Variants in KCNQ1 observed in about 807,000 individuals in gnomAD.
The protein encoded by KCNQ1 is potassium voltage-gated channel subfamily KQT member 1.
In KCNQ1, 49 loss-of-function variants were observed where a neutral mutation model predicts 72.4. The observed-to-expected ratio is 0.68, with a 90% CI of 0.54 to 0.86. KCNQ1 has a LOEUF of 0.86. KCNQ1 is among the 40% of genes least tolerant of loss of function. KCNQ1 has a pLI of 0.00. For synonymous variants in KCNQ1, 450 were observed against 412.6 expected (o/e 1.09, Z -1.10); for missense variants, 790 against 945.1 (o/e 0.84, Z 2.15).
At chr11:2,539,745 G>A (rs909501053) in intron 2 of KCNQ1, among the ~76,000 whole-genome samples, 1 of 152,250 alleles carries the variant, frequency 6.6e-6, no homozygotes, top group African/African-American at 2.4e-5. Flanking sequence ...GGGGCCCCCA[G>A]GCTTCTCCAT....
chr11:2,609,084 CTCT>C (rs980486613), intron 10 of KCNQ1: 6 of 397,650 alleles, frequency 1.5e-5, no homozygotes, highest in African/African-American at 1.0e-4. Flanking sequence ...GTTTAGTTTG[CTCT>C]TCTTTTTCTA....
intron 10 of KCNQ1, chr11:2,633,650 C>A (rs1849400534): frequency 2.5e-6 from 1 of 398,340 alleles, no homozygotes; most frequent in African/African-American, 2.1e-5. Flanking sequence ...GTTCTTGGCA[C>A]CTTTGTCAAA....
Position 2,691,184 on chromosome 11 carries a change from A to G in KCNQ1, c.1514+29103A>G. The G allele has an allele frequency of 2.5e-6, 1 of 398,636 alleles. No individual in the cohort carries two copies. The highest frequency in any genetic ancestry group is 4.4e-6 in the Non-Finnish European group (1 of 226,096). 24.7% of individuals were successfully genotyped at this position (398,636 alleles called of 1,614,324 possible). On this transcript the variant is annotated intron_variant, in intron 11 of 15. Coordinates refer to ENST00000155840, the MANE Select transcript of KCNQ1 (RefSeq NM_000218.3). The surrounding 1 kb of genome is among the most constrained non-coding windows in gnomAD (Gnocchi z 6.4). Reference sequence around the variant, plus strand: ...TCACAGCCTTGGGAGGGGTGCTCAGAGCTCAGCTGTGTTTAAAAATTAGCA... The same window carrying G: ...TCACAGCCTTGGGAGGGGTGCTCAGGGCTCAGCTGTGTTTAAAAATTAGCA...
chr11:2,493,602 A>G lies in KCNQ1; in HGVS notation c.387-34326A>G, dbSNP rs1017859810. On this transcript the variant is annotated intron_variant, in intron 1 of 15. Transcript: ENST00000155840. The surrounding 1 kb of genome is among the most constrained non-coding windows in gnomAD (Gnocchi z 5.3). ...GTTTTCCCAGCACCATTTATTAAAT[A>G]GAGAATCCTTTCCGCATTGCTTTTT... Among the ~76,000 whole-genome samples the G allele has an allele frequency of 1.3e-5, 2 of 152,244 alleles. No individual in the cohort carries two copies. Among genetic ancestry groups the G allele is most frequent in the Non-Finnish European group, 2.9e-5 (2 of 68,050 alleles).
At position 2,710,340 on chromosome 11, in the gene KCNQ1, A is replaced by G. The variant is rs1850982885; in HGVS notation, c.1514+48259A>G. On this transcript the variant is annotated intron_variant, in intron 11 of 15. Transcript: ENST00000155840. This position sits in a 1 kb window ranked among gnomAD's most constrained non-coding sequence, Gnocchi z 4.1. ...TAATTGGGTTGTGTTTTTATTATTT[A>G]GTAGAGTTCTTTATAGTCTAGATAT... 6.6e-6 allele frequency among the ~76,000 whole-genome samples: 1 copy of G among 152,204 alleles called. No individual in the cohort carries two copies. Among genetic ancestry groups the G allele is most frequent in the Admixed American group, 6.5e-5 (1 of 15,276 alleles).
At chr11:2,689,385 G>A (rs1419727461) in intron 11 of KCNQ1, 15 of 398,726 alleles carry the variant, frequency 3.8e-5, no homozygotes, top group Non-Finnish European at 5.3e-5. Flanking sequence ...TGAGTGGGGT[G>A]GAAGAAGCCC....
intron 2 of KCNQ1, among the ~76,000 whole-genome samples, chr11:2,531,085 C>T (rs569565044): frequency 1.3e-5 from 2 of 152,184 alleles, no homozygotes; most frequent in Non-Finnish European, 2.9e-5. Flanking sequence ...CAGGTCCTCA[C>T]TTCCTAGGTG....
intron 1 of KCNQ1, 111 bp downstream of exon 1, chr11:2,445,595 A>G: frequency 7.9e-7 from 1 of 1,262,944 alleles, no homozygotes; most frequent in Non-Finnish European, 1.1e-6. Context: ...CCCGGAGCAG[A>G]GGAGGGAAGG....
At position 2,813,822 on chromosome 11, in the gene KCNQ1, G is replaced by A. The variant is rs766022324; in HGVS notation, c.1795-33945G>A. Among the ~76,000 whole-genome samples the A allele has an allele frequency of 6.6e-6, 1 of 152,116 alleles. No individual in the cohort carries two copies. Among genetic ancestry groups the A allele is most frequent in the Non-Finnish European group, 1.5e-5 (1 of 68,012 alleles). On this transcript the variant is annotated intron_variant, in intron 15 of 15. Transcript: ENST00000155840. The surrounding 1 kb of genome is among the most constrained non-coding windows in gnomAD (Gnocchi z 4.4). Reference sequence around the variant, plus strand: ...GTGTGGGGAGCATTAATGAGTGTGAGTGAGTGGCGGATGAGTAGGTAGATG... The same window carrying A: ...GTGTGGGGAGCATTAATGAGTGTGAATGAGTGGCGGATGAGTAGGTAGATG...
intron 1 of KCNQ1, chr11:2,521,440 A>G (rs181331672): frequency 2.3e-4 from 105 of 458,892 alleles, no homozygotes; most frequent in Non-Finnish European, 4.3e-4. Context: ...CAGACTGACA[A>G]AACTCTTCAA....
chr11:2,487,255 C>T (rs889300265), intron 1 of KCNQ1, among the ~76,000 whole-genome samples: 3 of 152,232 alleles, frequency 2.0e-5, no homozygotes, highest in African/African-American at 4.8e-5. Context: ...GCCTGTGTCA[C>T]ACTGTCTTGA....
At chr11:2,648,601 G>T in intron 10 of KCNQ1, 1 of 398,398 alleles carries the variant, frequency 2.5e-6, no homozygotes, top group African/African-American at 2.1e-5. Flanking sequence ...TCTTGTTATT[G>T]ATTTCCAGTT....
intron 10 of KCNQ1, chr11:2,637,955 T>A (rs1232283389): frequency 6.6e-6 from 1 of 152,244 alleles, no homozygotes; most frequent in Non-Finnish European, 1.5e-5. Context: ...TCTCTTTTGA[T>A]CTTTATTGGT....
chr11:2,676,957 A>C lies in KCNQ1; in HGVS notation c.1514+14876A>C. 5.0e-6 allele frequency: 2 copies of C among 398,666 alleles called. No homozygotes were observed. The highest frequency in any genetic ancestry group is 7.1e-5 in the East Asian group (2 of 28,082). 24.7% of individuals were successfully genotyped at this position (398,666 alleles called of 1,614,324 possible). On this transcript the variant is annotated intron_variant, in intron 11 of 15. Coordinates refer to ENST00000155840, the MANE Select transcript of KCNQ1 (RefSeq NM_000218.3). The surrounding 1 kb of genome is among the most constrained non-coding windows in gnomAD (Gnocchi z 4.2). Reference sequence around the variant, plus strand: ...TCTGGAGATGGATCTGTATTAAGACATCTAGCAAATCTCCTTTTCATTAAC... The same window carrying C: ...TCTGGAGATGGATCTGTATTAAGACCTCTAGCAAATCTCCTTTTCATTAAC...
chr11:2,626,414 A>G lies in KCNQ1; in HGVS notation c.1394-35547A>G, dbSNP rs1849263064. 1 of 398,516 alleles carries G rather than the reference A, an allele frequency of 2.5e-6. No homozygotes were observed. 24.7% of individuals were successfully genotyped at this position (398,516 alleles called of 1,614,324 possible). Reference sequence around the variant, plus strand: ...AATGGTCTTGGCACTCTTCTCAGGAATCATTTGATCATGTATACAAGGGTT... The same window carrying G: ...AATGGTCTTGGCACTCTTCTCAGGAGTCATTTGATCATGTATACAAGGGTT... On this transcript the variant is annotated intron_variant, in intron 10 of 15. Transcript: ENST00000155840. This position sits in a 1 kb window ranked among gnomAD's most constrained non-coding sequence, Gnocchi z 4.0.
chr11:2,521,478 G>C (rs1355247709), intron 1 of KCNQ1: 2 of 467,776 alleles, frequency 4.3e-6, no homozygotes, highest in African/African-American at 4.0e-5. Flanking sequence ...AATGTTTACA[G>C]ATTCAAGAAA....
At position 2,563,618 on chromosome 11, in the gene KCNQ1, C is replaced by G. The variant is rs984005698; in HGVS notation, c.478-7010C>G. Among the ~76,000 whole-genome samples, 1 of 152,248 alleles carries G rather than the reference C, an allele frequency of 6.6e-6. No individual in the cohort carries two copies. On this transcript the variant is annotated intron_variant, in intron 2 of 15. Coordinates refer to ENST00000155840, the MANE Select transcript of KCNQ1 (RefSeq NM_000218.3). This position sits in a 1 kb window ranked among gnomAD's most constrained non-coding sequence, Gnocchi z 7.4. ...CAAGATTTCAGTACCAATAGCGAAG[C>G]CGTCAGTGGCAGTGACTGTGCCTTA...
chr11:2,760,343 G>A lies in KCNQ1; in HGVS notation c.1515-8501G>A, dbSNP rs577127187. Among the ~76,000 whole-genome samples, 45 of 152,320 alleles carry A rather than the reference G, an allele frequency of 3.0e-4. No homozygotes were observed. In the South Asian group the frequency reaches 8.7e-3, roughly 29 times the overall value. On this transcript the variant is annotated intron_variant, in intron 11 of 15. Transcript: ENST00000155840. ...GCAGCACATTAACAAATGAACCAGC[G>A]GATGGGGGTGGGGAGCTCATCTCAT...
At chr11:2,510,744 A>G (rs1847186520) in intron 1 of KCNQ1, among the ~76,000 whole-genome samples, 1 of 152,162 alleles carries the variant, frequency 6.6e-6, no homozygotes, top group Admixed American at 6.5e-5. Context: ...TCTGGTTAGC[A>G]GCAGATTCTA....
Sources: allele counts gnomAD v4.1 joint callset (sites outside exome capture counted in the v4.1 genomes callset), GRCh38; gene constraint gnomAD v4.1.1; non-coding constraint Gnocchi (gnomAD v3.1); transcripts MANE v1.5; gene names NCBI Gene and HGNC (gene_info 2026-07-23, HGNC 2026-07-21).